Variants in SERPINB3 observed in about 807,000 individuals in gnomAD.
The protein encoded by SERPINB3 is serpin B3.
In SERPINB3, 33 loss-of-function variants were observed where a neutral mutation model predicts 33.0. The observed-to-expected ratio is 1.00, with a 90% CI of 0.76 to 1.34. The LOEUF (loss-of-function observed/expected upper bound fraction) is 1.34. Among genes scored for constraint, SERPINB3 ranks in the 40% most tolerant of loss-of-function variants. The probability of loss-of-function intolerance (pLI) is 0.00; values close to 1 mark genes in which losing one functional copy is unlikely to be tolerated. For missense variants in SERPINB3, 518 were observed against 461.5 expected (o/e 1.12, Z -1.12); for synonymous variants, 200 against 170.9 (o/e 1.17, Z -1.33).
At chr18:63,659,623 G>A (rs1913590143) in intron 3 of SERPINB3, 96 bp from the exon 4 acceptor site, 1 of 1,527,390 alleles carries the variant, frequency 6.5e-7, no homozygotes, top group Non-Finnish European at 9.0e-7. Flanking sequence ...ATGGCTGGTA[G>A]TCTCAATGAG....
At chr18:63,658,456 TA>T in intron 5 of SERPINB3, 56 bp downstream of exon 5, 1 of 1,460,180 alleles carries the variant, frequency 6.8e-7, no homozygotes, top group Non-Finnish European at 9.6e-7. Flanking sequence ...GTTTCAGGCA[TA>T]GGGCTCACTC....
rs377476734 is a variant in SERPINB3 at position 63,661,251 on chromosome 18, G to A, written c.-26-9C>T. ...GATGTGATCTGGAACTCCTGGAAAA[G>A]CATCAGATTCCTGTCAGAATGACTT... On this transcript the variant is annotated splice_polypyrimidine_tract_variant and intron_variant, in intron 1 of 7. Coordinates refer to ENST00000283752, the MANE Select transcript of SERPINB3 (RefSeq NM_006919.3). The A allele has an allele frequency of 1.9e-6, 3 of 1,597,576 alleles. No homozygotes were observed. The highest frequency in any genetic ancestry group is 2.2e-5 in the East Asian group (1 of 44,772).
rs1303492233 is a variant in SERPINB3 at position 63,655,397 on chromosome 18, A to G, written c.*260T>C. The G allele has an allele frequency of 2.4e-6, 1 of 412,008 alleles. No homozygotes were observed. Among genetic ancestry groups the G allele is most frequent in the Non-Finnish European group, 4.3e-6 (1 of 231,498 alleles). The allele number at this position is 412,008 out of a possible 1,614,324, so 25.5% of individuals were successfully genotyped here. On this transcript the variant is annotated 3_prime_UTR_variant, in exon 8 of 8. Transcript: ENST00000283752. ...ATATTTCAAATTTAGAAGATACGGT[A>G]TTAAGTGATTCATCTTATTTTGGAC... is the stretch of plus-strand genomic sequence containing the variant.
intron 3 of SERPINB3, 64 bp downstream of exon 3, chr18:63,660,736 T>G (rs981573959): frequency 1.2e-6 from 2 of 1,606,372 alleles, no homozygotes; most frequent in African/African-American, 2.7e-5. Flanking sequence ...TTCTGTGAAG[T>G]TCCAGGTTCA....
chr18:63,660,616 C>T (rs1056420493), intron 3 of SERPINB3, 184 bp downstream of exon 3: 10 of 713,250 alleles, frequency 1.4e-5, no homozygotes, highest in Admixed American at 2.5e-5. Context: ...GACTGTCTTT[C>T]AGTAACGAAG....
Position 63,657,285 on chromosome 18 carries a change from T to C in SERPINB3, c.597A>G (p.Lys199=). Residue 199 remains lysine (K), a synonymous_variant, in exon 6 of 8, where the codon AAA becomes AAG. Transcript: ENST00000283752. The stretch of plus-strand genomic sequence containing the variant: ...TAGACAATACCTTGTTTGGCCAAAA[T>C]TTTTCCTCTTTAGTATCTTCTTTAT... ...KFNKEDTKEE[K]FWPNKNTYKS... is the part of the protein sequence containing the mutation. 1 of 1,580,774 alleles carries C rather than the reference T, an allele frequency of 6.3e-7. No homozygotes were observed. The highest frequency in any genetic ancestry group is 1.2e-5 in the South Asian group (1 of 85,482).
At position 63,658,493 on chromosome 18, in the gene SERPINB3, A is replaced by T; in HGVS notation, c.469+20T>A. ...GCATAGATTTCTCAAAGGTGTTTCT[A>T]TAATGGGTGGCTCTCCTACCATTCG... is the stretch of plus-strand genomic sequence containing the variant. On this transcript the variant is annotated intron_variant, in intron 5 of 7. Coordinates refer to ENST00000283752, the MANE Select transcript of SERPINB3 (RefSeq NM_006919.3). 1 of 1,594,364 alleles carries T rather than the reference A, an allele frequency of 6.3e-7. No homozygotes were observed. The highest frequency in any genetic ancestry group is 8.6e-7 in the Non-Finnish European group (1 of 1,163,486).
rs1433608201 is a variant in SERPINB3, at chr18:63,658,593, C to G, written c.389G>C (p.Ser130Thr). ...ATTTGCAAAATCAACAGATTCCACA[C>G]TGGTCTGGTAAAATTTCTTGATGGC... Reference protein sequence around the residue: ...LDAIKKFYQTSVESVDFANAP... With the variant: ...LDAIKKFYQTTVESVDFANAP... Residue 130 changes from serine to threonine, a missense_variant, in exon 5 of 8, where the codon AGT becomes ACT. Ser to Thr is a moderately conservative substitution (Grantham distance 58, BLOSUM62 1). Coordinates refer to ENST00000283752, the MANE Select transcript of SERPINB3 (RefSeq NM_006919.3). The G allele has an allele frequency of 6.2e-7, 1 of 1,612,928 alleles. No individual in the cohort carries two copies. Among genetic ancestry groups the G allele is most frequent in the Non-Finnish European group, 8.5e-7 (1 of 1,179,292 alleles).
chr18:63,657,152 TAAAA>T, intron 6 of SERPINB3, 114 bp downstream of exon 6: 2 of 896,734 alleles, frequency 2.2e-6, no homozygotes, highest in Non-Finnish European at 3.2e-6. Context: ...GTTATAAGAC[TAAAA>T]CAACAAAAAA....
At chr18:63,657,982 T>C (rs139794966) in intron 5 of SERPINB3, among the ~76,000 whole-genome samples, 29 of 151,796 alleles carry the variant, frequency 1.9e-4, no homozygotes, top group Admixed American at 1.1e-3. Flanking sequence ...TAGATGTCTA[T>C]AGAATGGAGA....
At chr18:63,657,442 A>G in intron 5 of SERPINB3, 30 bp from the exon 6 acceptor site, 3 of 1,545,968 alleles carry the variant, frequency 1.9e-6, no homozygotes, top group Middle Eastern at 3.5e-4. Flanking sequence ...AGAGTCTTTT[A>G]CACAAGCTAC....
At chr18:63,658,935 T>C (rs993606153) in intron 4 of SERPINB3, among the ~76,000 whole-genome samples, 4 of 152,176 alleles carry the variant, frequency 2.6e-5, no homozygotes, top group Non-Finnish European at 5.9e-5. Flanking sequence ...TCAGACCTCT[T>C]TCCAGTAATT....
At chr18:63,657,556 A>G (rs1598937481) in intron 5 of SERPINB3, 144 bp from the exon 6 acceptor site, 1 of 663,220 alleles carries the variant, frequency 1.5e-6, no homozygotes, top group Non-Finnish European at 2.4e-6. Context: ...TTGAATTGTT[A>G]GACTCACTGA....
chr18:63,657,757 C>T (rs1181968159), intron 5 of SERPINB3, among the ~76,000 whole-genome samples: 8 of 150,928 alleles, frequency 5.3e-5, no homozygotes, highest in Non-Finnish European at 1.2e-4. Context: ...CTTTCTCCCT[C>T]CCTCCTCTTC....
chr18:63,659,357 A>C (rs1372559392), intron 4 of SERPINB3, 42 bp downstream of exon 4: 1 of 1,596,626 alleles, frequency 6.3e-7, no homozygotes, highest in Non-Finnish European at 8.6e-7. Flanking sequence ...AGACACAGAC[A>C]TCAGGATGCA....
chr18:63,656,093 C>T (rs762615449), intron 7 of SERPINB3, 32 bp from the exon 8 acceptor site: 414 of 1,598,032 alleles, frequency 2.6e-4, no homozygotes, highest in Non-Finnish European at 3.4e-4. Context: ...ACTGATATGA[C>T]TAACTGTTGA....
chr18:63,657,061 C>A (rs2144492711), intron 6 of SERPINB3, 75 bp from the exon 7 acceptor site: 1 of 1,286,032 alleles, frequency 7.8e-7, no homozygotes, highest in Non-Finnish European at 1.1e-6. Context: ...GAGATATCAA[C>A]ACATCCTTCT....
At position 63,661,055 on chromosome 18, in the gene SERPINB3, C is replaced by G. The variant is rs751332591; in HGVS notation, c.162G>C (p.Lys54Asn). 1.4e-5 allele frequency: 22 copies of G among 1,613,430 alleles called. No individual in the cohort carries two copies. In the Admixed American group the frequency reaches 1.8e-4, roughly 13 times the overall value. The change falls in exon 2 of 8, where the codon AAG becomes AAC. Residue 54 changes from lysine to asparagine, a missense_variant. Physicochemically the swap from Lys to Asn is moderately conservative, Grantham distance 94 (BLOSUM62 0). Transcript: ENST00000283752. ...ACATAATGATGCTGATAGCTACCTT[C>G]TTAATCTGTTGTGCAGTGTTGTCTT... is the stretch of plus-strand genomic sequence containing the variant. ...GAKDNTAQQI[K>N]KVLHFDQVTE...
At chr18:63,658,472 A>G in intron 5 of SERPINB3, 41 bp downstream of exon 5, 1 of 1,552,088 alleles carries the variant, frequency 6.4e-7, no homozygotes, top group Non-Finnish European at 8.9e-7. Flanking sequence ...TCACTCGCAT[A>G]GATTTCTCAA....
Sources: gnomAD v4.1 joint callset for allele counts (sites outside exome capture counted in the v4.1 genomes callset) on GRCh38, gnomAD v4.1.1 for gene constraint, MANE v1.5 for transcripts, NCBI Gene and HGNC (gene_info 2026-07-23, HGNC 2026-07-21) for gene names.